The following ZFAT variants were observed in gnomAD, a reference collection of about 807,000 sequenced individuals.
ZFAT encodes the protein zinc finger and AT-hook domain containing.
A neutral mutation model predicts 117.7 loss-of-function variants in ZFAT; 64 were observed. That is an observed-to-expected ratio of 0.54 (90% CI 0.44 to 0.67). The LOEUF (loss-of-function observed/expected upper bound fraction) is 0.67, where lower values mean the gene tolerates loss of function less well. ZFAT is among the 30% of genes least tolerant of loss of function. The pLI, the probability that ZFAT is intolerant of heterozygous loss-of-function variation, is 0.00. For synonymous variants in ZFAT, 679 were observed against 615.0 expected (o/e 1.10, Z -1.54); for missense variants, 1,433 against 1,584.5 (o/e 0.90, Z 1.62).
chr8:134,498,135 G>T (rs376672453), intron 15 of ZFAT, among the ~76,000 whole-genome samples: 4 of 47,558 alleles, frequency 8.4e-5, no homozygotes, highest in Non-Finnish European at 4.3e-5. Flanking sequence ...AGCCTGATTT[G>T]GTAGGGCTGG....
intron 10 of ZFAT, among the ~76,000 whole-genome samples, chr8:134,581,510 A>G (rs17769000): frequency 0.16 from 24,091 of 152,238 alleles, 2,136 homozygotes; most frequent in Admixed American, 0.25. Context: ...CAAGTAGTGG[A>G]AAAAGTTGGC....
intron 5 of ZFAT, 103 bp downstream of exon 5, chr8:134,608,626 T>C (rs903819658): frequency 7.1e-7 from 1 of 1,416,628 alleles, no homozygotes. Context: ...AACAAGTTTA[T>C]AAGCAGAATC....
At chr8:134,818,896 C>T in the ZFAT span, among the ~76,000 whole-genome samples, 1 of 152,036 alleles carries the variant, frequency 6.6e-6, no homozygotes, top group South Asian at 2.1e-4. Flanking sequence ...TAAAAGAAAA[C>T]AGATAATGGT....
chr8:134,793,732 C>CGGCAG, the ZFAT span: 1 of 148,322 alleles, frequency 6.7e-6, no homozygotes, highest in Non-Finnish European at 1.5e-5. Flanking sequence ...GTCAAGAGTC[C>CGGCAG]GGGGGCTGGA....
At chr8:134,677,067 G>T (rs952498563) in intron 1 of ZFAT, among the ~76,000 whole-genome samples, 5 of 152,174 alleles carry the variant, frequency 3.3e-5, no homozygotes, top group African/African-American at 1.2e-4. Flanking sequence ...TCGAAAGCTA[G>T]CAGAAGACAA....
rs1451861702 is a variant in ZFAT, at chr8:134,606,775, C to T, written c.785+1954G>A. On this transcript the variant is annotated intron_variant, in intron 5 of 15. Transcript: ENST00000377838. Reference sequence around the variant, plus strand: ...TTTTAAAAAGTGAGATACAAAATCGCTATAAAATATAAACTCAATTTTATA... The same window carrying T: ...TTTTAAAAAGTGAGATACAAAATCGTTATAAAATATAAACTCAATTTTATA... Among the ~76,000 whole-genome samples the T allele has an allele frequency of 3.3e-5, 5 of 149,316 alleles. No individual in the cohort carries two copies. The South Asian group carries it at 6.5e-4, about 19-fold the overall frequency.
Position 134,590,300 on chromosome 8 carries a change from A to G in ZFAT, c.2531T>C (p.Leu844Ser). The G allele has an allele frequency of 6.2e-7, 1 of 1,613,458 alleles. No homozygotes were observed. Among genetic ancestry groups the G allele is most frequent in the Non-Finnish European group, 8.5e-7 (1 of 1,179,432 alleles). ...VCEKSFSEDR[L>S]IKSHIKTNHP... is the part of the protein sequence containing the mutation. ...GTTGGTCTTGATATGTGACTTTATC[A>G]ATCGATCCTCTGAAAAAGACTTTTC... is the stretch of plus-strand genomic sequence containing the variant. The change falls in exon 8 of 16, where the codon TTG (leucine) becomes TCG (serine). Residue 844 changes from leucine to serine, a missense_variant. Transcript: ENST00000377838.
chr8:134,658,154 G>A (rs146050491), intron 1 of ZFAT, among the ~76,000 whole-genome samples: 11,285 of 152,134 alleles, frequency 0.074, 514 homozygotes, highest in Middle Eastern at 0.11. Context: ...TGGCTAACAT[G>A]GTGAAATCTC....
chr8:134,724,060 T>C, the ZFAT span: 1 of 152,382 alleles, frequency 6.6e-6, no homozygotes, highest in Non-Finnish European at 1.5e-5. Context: ...CTTCCATTCT[T>C]AGGAGTCAGG....
rs772711178 is a variant in ZFAT, at chr8:134,602,122, C to T, written c.1597G>A (p.Glu533Lys). The T allele has an allele frequency of 1.2e-6, 2 of 1,612,916 alleles. No individual in the cohort carries two copies. Residue 533 changes from glutamate (E) to lysine (K), a missense_variant, in exon 6 of 16, where the codon GAA (glutamate) becomes AAA (lysine). Around this residue, in one of 5 missense-constraint regions of ZFAT, gnomAD observed 372 missense variants for 355.6 expected, o/e 1.05. Transcript: ENST00000377838. ...TGAGTGTCCCCAGGACAGGCCTCTT[C>T]CTTGAGTGCATTCACGCCCTGGAGG... ...FALQGVNALK[E>K]EACPGDTQLE... is the part of the protein sequence containing the mutation.
chr8:134,739,920 G>A, the ZFAT span, among the ~76,000 whole-genome samples: 1 of 152,240 alleles, frequency 6.6e-6, no homozygotes. Flanking sequence ...CTGAGCAGCT[G>A]TCTGCCTATG....
chr8:134,813,801 TACAC>T, the ZFAT span, among the ~76,000 whole-genome samples: 3,145 of 146,956 alleles, frequency 0.021, 36 homozygotes, highest in East Asian at 0.035. Context: ...TTTGATTTTA[TACAC>T]ACACACACAC....
chr8:134,547,808 G>A (rs928015173), intron 11 of ZFAT, among the ~76,000 whole-genome samples: 2 of 152,224 alleles, frequency 1.3e-5, no homozygotes, highest in Non-Finnish European at 2.9e-5. Flanking sequence ...GCATCCTCCA[G>A]GGCCTGGCTC....
chr8:134,712,623 C>CTTT lies in ZFAT; in HGVS notation c.19+219_19+221dup, dbSNP rs71274891. On this transcript the variant is annotated intron_variant, in intron 1 of 15. Transcript: ENST00000377838. ...TGCTCTCCCACTCGCTCCCGCCTTG[C>CTTT]TTTTTTTTTTTTTTTGCGGCGGGAT... Among the ~76,000 whole-genome samples the CTTT allele has an allele frequency of 3.4e-3, 466 of 138,312 alleles. 8 individuals are homozygous for CTTT. The highest frequency in any genetic ancestry group is 4.5e-3 in the Non-Finnish European group (292 of 65,102). The allele number at this position is 138,312 out of a possible 152,430, so 90.7% of individuals were successfully genotyped here. A position where few individuals can be genotyped will look rare whatever the true frequency, so the allele number is the denominator to read the frequency against.
At chr8:134,610,054 A>G (rs1828205712) in intron 4 of ZFAT, among the ~76,000 whole-genome samples, 1 of 152,230 alleles carries the variant, frequency 6.6e-6, no homozygotes, top group South Asian at 2.1e-4. Flanking sequence ...CAGAGTTAGC[A>G]TGGGTTTTGG....
chr8:134,687,827 G>A (rs150068039), intron 1 of ZFAT, among the ~76,000 whole-genome samples: 4 of 152,282 alleles, frequency 2.6e-5, no homozygotes, highest in Non-Finnish European at 5.9e-5. Flanking sequence ...CATCACCACC[G>A]CACATCCGGG....
At chr8:134,792,058 A>C in the ZFAT span, 1 of 152,228 alleles carries the variant, frequency 6.6e-6, no homozygotes, top group Admixed American at 6.5e-5. Context: ...TATGGAGTAA[A>C]ATTGGTAGAA....
intron 2 of ZFAT, among the ~76,000 whole-genome samples, chr8:134,647,960 A>G (rs1375133743): frequency 6.6e-6 from 1 of 152,150 alleles, no homozygotes; most frequent in Non-Finnish European, 1.5e-5. Flanking sequence ...TGGGAATCTA[A>G]GGTAAAGCAT....
chr8:134,712,760 C>G (rs969041529), intron 1 of ZFAT, 85 bp downstream of exon 1: 5 of 1,377,584 alleles, frequency 3.6e-6, no homozygotes, highest in African/African-American at 1.5e-5. Flanking sequence ...CACTGCTTCC[C>G]GACTCGACGC....
Sources: gnomAD v4.1 joint callset for allele counts (sites outside exome capture counted in the v4.1 genomes callset) on GRCh38, gnomAD v4.1.1 for gene constraint, gnomAD v4.1.1 regional missense constraint, MANE v1.5 for transcripts, NCBI Gene and HGNC (gene_info 2026-07-23, HGNC 2026-07-21) for gene names.